Variants in WDR17 observed in about 807,000 individuals in gnomAD.
WDR17 encodes the protein WD repeat-containing protein 17.
WDR17 carries 143 observed loss-of-function variants against 161.7 expected under a neutral mutation model. The observed-to-expected ratio is 0.88, with a 90% CI of 0.77 to 1.02. The LOEUF is 1.02. WDR17 is among the 50% of genes least tolerant of loss of function. The pLI is 0.00. For synonymous variants in WDR17, 517 were observed against 515.6 expected, an observed-to-expected ratio of 1.00 and a Z score of -0.04; for missense variants, 1,469 against 1,520.9, an observed-to-expected ratio of 0.97 and a Z score of 0.57.
chr4:176,079,066 A>G (rs1734413415), intron 1 of WDR17, among the ~76,000 whole-genome samples: 1 of 151,828 alleles, frequency 6.6e-6, no homozygotes, highest in Non-Finnish European at 1.5e-5. Flanking sequence ...GCAGCATTCT[A>G]CTCTTTAGTT....
At chr4:176,093,681 C>A (rs1007336950) in intron 1 of WDR17, among the ~76,000 whole-genome samples, 1 of 151,876 alleles carries the variant, frequency 6.6e-6, no homozygotes, top group African/African-American at 2.4e-5. Context: ...TTCTTCTTAC[C>A]TCAGTTACTG....
At chr4:176,153,128 G>C (rs1161791797) in intron 17 of WDR17, among the ~76,000 whole-genome samples, 1 of 152,096 alleles carries the variant, frequency 6.6e-6, no homozygotes, top group Non-Finnish European at 1.5e-5. Context: ...CAGCCATCTT[G>C]TGTTTTCATA....
At chr4:176,114,165 G>A (rs1394180317) in intron 2 of WDR17, among the ~76,000 whole-genome samples, 2 of 151,948 alleles carry the variant, frequency 1.3e-5, no homozygotes, top group Admixed American at 6.6e-5. Context: ...TACACTCACT[G>A]TATCTACCAT....
At position 176,082,875 on chromosome 4, in the gene WDR17, T is replaced by C. The variant is rs147146392; in HGVS notation, c.-7+16796T>C. Among the ~76,000 whole-genome samples, 1,400 of 152,132 alleles carry C rather than the reference T, an allele frequency of 9.2e-3. 10 individuals are homozygous for C. The highest frequency in any genetic ancestry group is 0.015 in the Non-Finnish European group (1,043 of 67,962). On this transcript the variant is annotated intron_variant, in intron 1 of 28. Coordinates refer to ENST00000508596, the MANE Select transcript of WDR17 (RefSeq NM_181265.4). ...AAGATGAATTTTAGACAGGGAAATA[T>C]AGGCTCATCCAAAAATATACATACT...
chr4:176,079,625 C>A (rs543418091), intron 1 of WDR17, among the ~76,000 whole-genome samples: 2 of 152,236 alleles, frequency 1.3e-5, no homozygotes, highest in African/African-American at 4.8e-5. Context: ...ATCAGTTATT[C>A]TTTATACCTA....
At chr4:176,145,339 C>T (rs1745993307) in intron 11 of WDR17, among the ~76,000 whole-genome samples, 1 of 152,112 alleles carries the variant, frequency 6.6e-6, no homozygotes, top group African/African-American at 2.4e-5. Context: ...TGTGAGAATA[C>T]TGAGCAAAGA....
chr4:176,137,547 C>T lies in WDR17; in HGVS notation c.1295C>T (p.Thr432Ile). 6.2e-7 allele frequency: 1 copy of T among 1,601,914 alleles called. No homozygotes were observed. Among genetic ancestry groups the T allele is most frequent in the East Asian group, 2.3e-5 (1 of 44,402 alleles). The change falls in exon 9 of 29, where the codon ACT becomes ATT. Residue 432 changes from threonine (T) to isoleucine (I), a missense_variant. By Grantham distance (89) the Thr-to-Ile change is moderately conservative (BLOSUM62 -1). Transcript: ENST00000508596. ...PGGLNCIAGG[T>I]SRNGAFIWNV... ...GGTTTAAATTGTATTGCTGGGGGAA[C>T]TTCCCGAAATGGTGCTTTTATTTGG... is the stretch of plus-strand genomic sequence containing the variant.
At chr4:176,163,367 G>C in intron 22 of WDR17, 74 bp downstream of exon 22, 1 of 1,478,000 alleles carries the variant, frequency 6.8e-7, no homozygotes. Context: ...AATTCCATTT[G>C]ATAAGATATG....
In WDR17 at chr4:176,150,462, CT is replaced by C. The variant is rs1235523758; in HGVS notation, c.2179-3del. The C allele has an allele frequency of 1.9e-6, 3 of 1,595,694 alleles. No homozygotes were observed. In the African/African-American group the frequency reaches 4.1e-5, roughly 22 times the overall value. On this transcript the variant is annotated splice_polypyrimidine_tract_variant and splice_region_variant and intron_variant, in intron 15 of 28. Transcript: ENST00000508596. ...ATTCCATATTTATTTTTTGTCAACTCTTTAGCCTCCAGGTGGCAGTGACAAT... is the reference window on the plus strand; with the variant it reads ...ATTCCATATTTATTTTTTGTCAACTCTTAGCCTCCAGGTGGCAGTGACAAT...
At chr4:176,164,074 T>G (rs1487134413) in intron 22 of WDR17, among the ~76,000 whole-genome samples, 2 of 152,166 alleles carry the variant, frequency 1.3e-5, no homozygotes, top group African/African-American at 4.8e-5. Context: ...TACAGATGAC[T>G]ATAACTATTG....
intron 1 of WDR17, among the ~76,000 whole-genome samples, chr4:176,071,288 A>G (rs1330917391): frequency 6.6e-6 from 1 of 151,862 alleles, no homozygotes; most frequent in African/African-American, 2.4e-5. Flanking sequence ...CTTAGTTTAT[A>G]ATTGAAAATA....
intron 22 of WDR17, chr4:176,166,292 G>T (rs1749765318): frequency 6.7e-6 from 2 of 300,162 alleles, no homozygotes; most frequent in Non-Finnish European, 6.3e-6. Context: ...GTAATTTATA[G>T]CACATGAAAC....
rs527981966 is a variant in WDR17 at position 176,167,036 on chromosome 4, A to G, written c.2991-1636A>G. Reference sequence around the variant, plus strand: ...AACATTAAAGTAAGCCTAATTGAAAATGTTACTGTCCTGATAGTTTGTGAC... The same window carrying G: ...AACATTAAAGTAAGCCTAATTGAAAGTGTTACTGTCCTGATAGTTTGTGAC... On this transcript the variant is annotated intron_variant, in intron 22 of 28. Transcript: ENST00000508596. 3.9e-5 allele frequency among the ~76,000 whole-genome samples: 6 copies of G among 152,316 alleles called. No individual in the cohort carries two copies. In the East Asian group the frequency reaches 9.6e-4, roughly 24 times the overall value.
intron 1 of WDR17, among the ~76,000 whole-genome samples, chr4:176,104,881 T>TC (rs1445839872): frequency 6.6e-6 from 1 of 151,928 alleles, no homozygotes; most frequent in Non-Finnish European, 1.5e-5. Context: ...AAGTAAGTCC[T>TC]TTATCAGGAA....
chr4:176,124,262 A>G (rs1344074259), intron 4 of WDR17, among the ~76,000 whole-genome samples: 2 of 152,220 alleles, frequency 1.3e-5, no homozygotes, highest in African/African-American at 4.8e-5. Flanking sequence ...GGACTTGCCC[A>G]GTGGAGTTCC....
intron 1 of WDR17, among the ~76,000 whole-genome samples, chr4:176,072,267 C>G (rs547949185): frequency 6.5e-4 from 99 of 152,272 alleles, no homozygotes; most frequent in South Asian, 1.7e-3. Flanking sequence ...GTAGAAGATA[C>G]CAGAGACAAT....
intron 1 of WDR17, among the ~76,000 whole-genome samples, chr4:176,067,842 G>C (rs936538441): frequency 6.6e-6 from 1 of 152,146 alleles, no homozygotes; most frequent in South Asian, 2.1e-4. Context: ...TTAAGAACAG[G>C]TTTCTGTTTG....
At chr4:176,134,357 C>T (rs928889313) in intron 7 of WDR17, among the ~76,000 whole-genome samples, 4 of 151,694 alleles carry the variant, frequency 2.6e-5, no homozygotes, top group Non-Finnish European at 5.9e-5. Context: ...TCCCATTCCC[C>T]AGCATTTAGA....
At chr4:176,102,019 G>C (rs761824007) in intron 1 of WDR17, among the ~76,000 whole-genome samples, 27 of 152,128 alleles carry the variant, frequency 1.8e-4, no homozygotes, top group Non-Finnish European at 3.7e-4. Context: ...TAATTGATAA[G>C]CTGGACTTTA....
Sources: allele counts gnomAD v4.1 joint callset (sites outside exome capture counted in the v4.1 genomes callset), GRCh38; gene constraint gnomAD v4.1.1; transcripts MANE v1.5; gene names NCBI Gene and HGNC (gene_info 2026-07-23, HGNC 2026-07-21).